The following DLGAP4 variants were observed in gnomAD, a reference collection of about 807,000 sequenced individuals.
DLGAP4 encodes the protein DLG associated protein 4.
In DLGAP4, 18 loss-of-function variants were observed where a neutral mutation model predicts 86.9. The observed-to-expected ratio is 0.21, with a 90% CI of 0.14 to 0.31. The LOEUF (loss-of-function observed/expected upper bound fraction) is 0.31. Ranked by LOEUF, DLGAP4 falls within the 10% of genes least tolerant of loss-of-function variation. The pLI, the probability that DLGAP4 is intolerant of heterozygous loss-of-function variation, is 1.00. For missense variants in DLGAP4, 1,085 were observed against 1,362.6 expected (o/e 0.80, Z 3.21); for synonymous variants, 548 against 574.3 (o/e 0.95, Z 0.65).
chr20:36,403,073 A>G (rs2032210054), intron 2 of DLGAP4, among the ~76,000 whole-genome samples: 1 of 152,244 alleles, frequency 6.6e-6, no homozygotes, highest in Admixed American at 6.5e-5. Context: ...AAGAAGAGAC[A>G]GCCAGAGCGG....
intron 2 of DLGAP4, among the ~76,000 whole-genome samples, chr20:36,428,560 T>C (rs1264636170): frequency 6.6e-6 from 1 of 152,150 alleles, no homozygotes; most frequent in Non-Finnish European, 1.5e-5. Flanking sequence ...CCTGGTACCG[T>C]CCCATCCTCC....
At chr20:36,440,917 G>GAAGGCTTT in intron 5 of DLGAP4, among the ~76,000 whole-genome samples, 1 of 152,152 alleles carries the variant, frequency 6.6e-6, no homozygotes, top group East Asian at 1.9e-4. Context: ...GAAGGCTTTG[G>GAAGGCTTT]GACCCCGACT....
intron 7 of DLGAP4, among the ~76,000 whole-genome samples, chr20:36,472,924 G>A (rs1410306729): frequency 6.6e-6 from 1 of 152,262 alleles, no homozygotes; most frequent in East Asian, 1.9e-4. Flanking sequence ...CGCAGGGAGA[G>A]GCGCCAGGCT....
At chr20:36,446,353 C>T (rs546184642) in intron 6 of DLGAP4, among the ~76,000 whole-genome samples, 1 of 152,180 alleles carries the variant, frequency 6.6e-6, no homozygotes, top group African/African-American at 2.4e-5. Context: ...ACATTCAGGA[C>T]AGACATTGCT....
At chr20:36,520,919 G>T (rs1349011116) in intron 10 of DLGAP4, among the ~76,000 whole-genome samples, 1 of 151,952 alleles carries the variant, frequency 6.6e-6, no homozygotes, top group Non-Finnish European at 1.5e-5. Flanking sequence ...TGCAACCTCT[G>T]CCTCCCGGGT....
Position 36,311,260 on chromosome 20 carries a change from G to A in DLGAP4, c.-304+4748G>A, listed in dbSNP as rs972284192. On this transcript the variant is annotated intron_variant, in intron 1 of 12. Coordinates refer to ENST00000339266, the MANE Select transcript of DLGAP4 (RefSeq NM_001365621.2). ...GGGGGGGTGGACCCTCAGCCGAGGC[G>A]CCCCTCTCACTGGGTCCTTGCAGGG... 3.9e-5 allele frequency among the ~76,000 whole-genome samples: 6 copies of A among 152,040 alleles called. No homozygotes were observed. The South Asian group carries it at 6.2e-4, about 16-fold the overall frequency.
intron 2 of DLGAP4, among the ~76,000 whole-genome samples, chr20:36,425,753 G>A (rs1328288941): frequency 2.6e-5 from 4 of 152,066 alleles, no homozygotes; most frequent in Admixed American, 6.5e-5. Flanking sequence ...CCCAGGAGGC[G>A]GAGGTTGCAG....
At chr20:36,424,517 C>T (rs1257799430) in intron 2 of DLGAP4, among the ~76,000 whole-genome samples, 1 of 152,194 alleles carries the variant, frequency 6.6e-6, no homozygotes, top group Non-Finnish European at 1.5e-5. Flanking sequence ...CTGAGAGCAG[C>T]TCCTAGCGGG....
intron 1 of DLGAP4, among the ~76,000 whole-genome samples, chr20:36,351,619 C>T (rs1258284647): frequency 1.3e-5 from 2 of 151,946 alleles, no homozygotes; most frequent in Non-Finnish European, 2.9e-5. Context: ...GCATAAAGTG[C>T]ACAATAAATG....
intron 7 of DLGAP4, among the ~76,000 whole-genome samples, chr20:36,486,522 G>T (rs1167930919): frequency 6.6e-6 from 1 of 151,462 alleles, no homozygotes; most frequent in Non-Finnish European, 1.5e-5. Flanking sequence ...CAAAAGGCTG[G>T]TGTGGCTGGA....
intron 7 of DLGAP4, among the ~76,000 whole-genome samples, chr20:36,487,852 C>T (rs894156500): frequency 2.0e-5 from 3 of 152,128 alleles, no homozygotes; most frequent in Non-Finnish European, 4.4e-5. Context: ...GGCTCCTACC[C>T]GGAGCACATT....
chr20:36,474,227 G>C (rs980084038), intron 7 of DLGAP4, among the ~76,000 whole-genome samples: 1 of 152,234 alleles, frequency 6.6e-6, no homozygotes, highest in Non-Finnish European at 1.5e-5. Context: ...TGGGTGGGCT[G>C]TTTGGAGTGG....
chr20:36,338,780 C>T (rs909497739), intron 1 of DLGAP4, among the ~76,000 whole-genome samples: 5 of 152,218 alleles, frequency 3.3e-5, no homozygotes, highest in Non-Finnish European at 4.4e-5. Context: ...CCAACGCAGT[C>T]GGGGCTGGGA....
rs1003025863 is a variant in DLGAP4 at position 36,308,877 on chromosome 20, A to G, written c.-304+2365A>G. Among the ~76,000 whole-genome samples the G allele has an allele frequency of 1.1e-4, 16 of 152,252 alleles. No homozygotes were observed. The highest frequency in any genetic ancestry group is 2.1e-4 in the South Asian group (1 of 4,818). ...TGAAATGTGAATTAATAAAATCTTG[A>G]ATGCAGGGTTTTTTTTTATAGAAAG... On this transcript the variant is annotated intron_variant, in intron 1 of 12. Transcript: ENST00000339266. This position sits in a 1 kb window ranked among gnomAD's most constrained non-coding sequence, Gnocchi z 4.5.
chr20:36,358,259 A>G (rs73905338), intron 1 of DLGAP4, among the ~76,000 whole-genome samples: 5,490 of 152,310 alleles, frequency 0.036, 312 homozygotes, highest in African/African-American at 0.12. Flanking sequence ...GTGGCCCCAC[A>G]TCACTGTCCC....
At chr20:36,354,095 C>T (rs368494793) in intron 1 of DLGAP4, among the ~76,000 whole-genome samples, 9 of 152,168 alleles carry the variant, frequency 5.9e-5, no homozygotes, top group African/African-American at 2.2e-4. Context: ...CTGTGCCGGC[C>T]GGCCTCCCGC....
At chr20:36,365,728 A>G (rs781785814) in intron 1 of DLGAP4, among the ~76,000 whole-genome samples, 3 of 152,212 alleles carry the variant, frequency 2.0e-5, no homozygotes, top group Non-Finnish European at 2.9e-5. Context: ...TCTTGATCAG[A>G]TGCTAAGGAG....
intron 2 of DLGAP4, among the ~76,000 whole-genome samples, chr20:36,426,985 T>C (rs1433793392): frequency 6.6e-6 from 1 of 151,372 alleles, no homozygotes; most frequent in Non-Finnish European, 1.5e-5. Flanking sequence ...CCAGACCAGC[T>C]TGGGCAACAT....
chr20:36,414,904 A>G (rs2032609375), intron 2 of DLGAP4, among the ~76,000 whole-genome samples: 1 of 152,186 alleles, frequency 6.6e-6, no homozygotes, highest in Non-Finnish European at 1.5e-5. Flanking sequence ...CTGGGAATGC[A>G]AGGAGGGATG....
Sources: allele counts gnomAD v4.1 joint callset (sites outside exome capture counted in the v4.1 genomes callset), GRCh38; gene constraint gnomAD v4.1.1; non-coding constraint Gnocchi (gnomAD v3.1); transcripts MANE v1.5; gene names NCBI Gene and HGNC (gene_info 2026-07-23, HGNC 2026-07-21).